Variants in XRRA1 observed in about 807,000 individuals in gnomAD.
The protein encoded by XRRA1 is X-ray radiation resistance associated 1.
A neutral mutation model predicts 80.2 loss-of-function variants in XRRA1; 69 were observed. That is an observed-to-expected ratio of 0.86 (90% CI 0.71 to 1.05). The LOEUF is 1.05. XRRA1 is among the 50% of genes least tolerant of loss of function. The pLI, the probability that XRRA1 is intolerant of heterozygous loss-of-function variation, is 0.00. For missense variants in XRRA1, 967 were observed against 976.4 expected, an observed-to-expected ratio of 0.99 and a Z score of 0.13; for synonymous variants, 348 against 389.9, an observed-to-expected ratio of 0.89 and a Z score of 1.27.
chr11:74,896,173 C>T (rs970056736), intron 10 of XRRA1, among the ~76,000 whole-genome samples: 2 of 152,252 alleles, frequency 1.3e-5, no homozygotes, highest in African/African-American at 4.8e-5. Flanking sequence ...TTGTCTTGCA[C>T]CATTGGCACT....
At chr11:74,943,856 T>G (rs1459138535) in intron 2 of XRRA1, among the ~76,000 whole-genome samples, 1 of 152,138 alleles carries the variant, frequency 6.6e-6, no homozygotes, top group African/African-American at 2.4e-5. Context: ...GTGTCTTACT[T>G]TGTCACCTAG....
intron 8 of XRRA1, among the ~76,000 whole-genome samples, chr11:74,912,431 A>G (rs2056125063): frequency 6.6e-6 from 1 of 152,206 alleles, no homozygotes; most frequent in East Asian, 1.9e-4. Flanking sequence ...TGAGAAGTTG[A>G]GCAGAGATTC....
intron 15 of XRRA1, 37 bp from the exon 16 acceptor site, chr11:74,845,308 A>AT: frequency 6.5e-7 from 1 of 1,531,956 alleles, no homozygotes; most frequent in Non-Finnish European, 8.9e-7. Context: ...TTTGTCACTC[A>AT]TTCATTCATT....
exon 1 of XRRA1, chr11:74,949,088 CAGTGTAG>C: frequency 4.0e-6 from 2 of 502,392 alleles, no homozygotes; most frequent in South Asian, 5.1e-5. Context: ...CGACGGCAGA[CAGTGTAG>C]GCGGCAACCG....
At chr11:74,848,737 A>C (rs917930577) in intron 14 of XRRA1, among the ~76,000 whole-genome samples, 2 of 152,192 alleles carry the variant, frequency 1.3e-5, no homozygotes, top group African/African-American at 2.4e-5. Flanking sequence ...GACCTGTCCA[A>C]GTCCCAGAGT....
intron 10 of XRRA1, among the ~76,000 whole-genome samples, chr11:74,888,425 C>T (rs1207600486): frequency 6.6e-6 from 1 of 152,120 alleles, no homozygotes; most frequent in African/African-American, 2.4e-5. Flanking sequence ...TGTACGTCAC[C>T]ATCATCAAAG....
chr11:74,925,460 C>A (rs1361332449), intron 7 of XRRA1, among the ~76,000 whole-genome samples: 1 of 152,204 alleles, frequency 6.6e-6, no homozygotes, highest in Non-Finnish European at 1.5e-5. Flanking sequence ...CAAAATATTA[C>A]ATTACTGTGA....
At chr11:74,903,442 G>A (rs1212353247) in intron 10 of XRRA1, among the ~76,000 whole-genome samples, 4 of 152,340 alleles carry the variant, frequency 2.6e-5, no homozygotes, top group Middle Eastern at 3.4e-3. Flanking sequence ...GGTGGCTCAC[G>A]CCTGTAATCC....
At chr11:74,878,391 A>C (rs1312433018) in intron 10 of XRRA1, among the ~76,000 whole-genome samples, 1 of 151,448 alleles carries the variant, frequency 6.6e-6, no homozygotes, top group African/African-American at 2.4e-5. Flanking sequence ...AGGTTGTGAA[A>C]ATTTTCTCCC....
At position 74,907,314 on chromosome 11, in the gene XRRA1, G is replaced by A. The variant is rs151020957; in HGVS notation, c.657-41C>T. ...TCTTGGGTAATGAGCAAGGTCGAGG[G>A]ACAAATTCCACCATTCCCAGGAAGC... On this transcript the variant is annotated intron_variant, in intron 8 of 18. Transcript: ENST00000684022. 454 of 1,610,014 alleles carry A rather than the reference G, an allele frequency of 2.8e-4. 1 individual carries two copies. In the African/African-American group the frequency reaches 5.3e-3, roughly 19 times the overall value.
Position 74,906,693 on chromosome 11 carries a change from C to T in XRRA1, c.786-237G>A, listed in dbSNP as rs945558809. Reference sequence around the variant, plus strand: ...ATTTAATGAGGCAATATGTAAATGGCCTGGCACAAAGTAGTATTCAGTAAA... The same window carrying T: ...ATTTAATGAGGCAATATGTAAATGGTCTGGCACAAAGTAGTATTCAGTAAA... On this transcript the variant is annotated intron_variant, in intron 9 of 18. Coordinates refer to ENST00000684022, the MANE Select transcript of XRRA1 (RefSeq NM_001378157.1). 5 of 565,180 alleles carry T rather than the reference C, an allele frequency of 8.8e-6. No homozygotes were observed. In the South Asian group the frequency reaches 1.1e-4, roughly 13 times the overall value. 35.0% of individuals were successfully genotyped at this position (565,180 alleles called of 1,614,324 possible).
At chr11:74,929,944 C>A (rs1225242423) in intron 6 of XRRA1, among the ~76,000 whole-genome samples, 6 of 152,130 alleles carry the variant, frequency 3.9e-5, no homozygotes, top group Non-Finnish European at 5.9e-5. Flanking sequence ...TCGCTGTGGA[C>A]TTGCTGAATA....
intron 18 of XRRA1, 55 bp from the exon 19 acceptor site, chr11:74,843,508 C>T: frequency 6.4e-7 from 1 of 1,571,912 alleles, no homozygotes; most frequent in Non-Finnish European, 8.6e-7. Context: ...CTCACCTAGC[C>T]AGAAGCAAGA....
chr11:74,889,315 G>A (rs986668788), intron 10 of XRRA1, among the ~76,000 whole-genome samples: 9 of 152,172 alleles, frequency 5.9e-5, no homozygotes, highest in Non-Finnish European at 8.8e-5. Flanking sequence ...AGCTTCCTAA[G>A]TGAAGGAGAA....
At chr11:74,927,725 G>A (rs1369559519) in intron 6 of XRRA1, among the ~76,000 whole-genome samples, 1 of 152,184 alleles carries the variant, frequency 6.6e-6, no homozygotes, top group African/African-American at 2.4e-5. Context: ...TTGCTGGTAA[G>A]TGAAAGAGCC....
intron 10 of XRRA1, among the ~76,000 whole-genome samples, chr11:74,871,578 A>G (rs187505923): frequency 6.6e-6 from 1 of 152,270 alleles, no homozygotes. Flanking sequence ...CCCCAAAACT[A>G]AAAAAGCAAC....
intron 10 of XRRA1, among the ~76,000 whole-genome samples, chr11:74,891,802 C>A (rs1439813558): frequency 6.6e-6 from 1 of 152,118 alleles, no homozygotes. Context: ...CTCCCATTCA[C>A]AATTGCTTCA....
At chr11:74,944,107 C>T (rs1209336015) in intron 2 of XRRA1, among the ~76,000 whole-genome samples, 1 of 152,220 alleles carries the variant, frequency 6.6e-6, no homozygotes, top group Non-Finnish European at 1.5e-5. Context: ...GAAATAACTG[C>T]TGCTTTTGCT....
intron 3 of XRRA1, among the ~76,000 whole-genome samples, chr11:74,937,907 A>G (rs1012392760): frequency 2.8e-4 from 42 of 152,236 alleles, no homozygotes; most frequent in African/African-American, 9.9e-4. Context: ...AGCTCACCGC[A>G]TTGTGACTGT....
Sources: allele counts gnomAD v4.1 joint callset (sites outside exome capture counted in the v4.1 genomes callset), GRCh38; gene constraint gnomAD v4.1.1; transcripts MANE v1.5; gene names NCBI Gene and HGNC (gene_info 2026-07-23, HGNC 2026-07-21).